The following PLXNB3 variants were observed in gnomAD, a reference collection of about 807,000 sequenced individuals.
PLXNB3 encodes the protein plexin-B3.
A neutral mutation model predicts 125.7 loss-of-function variants in PLXNB3; 80 were observed. The ratio of observed to expected loss-of-function variants is 0.64; its 90% CI spans 0.53 to 0.77. PLXNB3 has a LOEUF of 0.77. PLXNB3 is among the 30% of genes least tolerant of loss of function. The pLI is 0.00. For synonymous variants in PLXNB3, 954 were observed against 783.3 expected (o/e 1.22, Z -3.64); for missense variants, 1,836 against 1,729.3 (o/e 1.06, Z -1.09).
In PLXNB3 at chrX:153,773,250, A is replaced by C; in HGVS notation, c.2927A>C (p.Glu976Ala). 8.3e-7 allele frequency: 1 copy of C among 1,208,749 alleles called. No individual in the cohort carries two copies. The highest frequency in any genetic ancestry group is 1.1e-6 in the Non-Finnish European group (1 of 894,163). The change falls in exon 18 of 36, where the codon GAG (glutamate) becomes GCG (alanine). Residue 976 changes from glutamate to alanine, a missense_variant. Physicochemically the swap from Glu to Ala is moderately radical, Grantham distance 107. Transcript: ENST00000361971. ...TGCAGCCTGGAGCCAGTGTGTCCGG[A>C]GGCCATCGTGTGCCGTACCAGGCCC... is the stretch of plus-strand genomic sequence containing the variant. ...PCPILEPVCP[E>A]AIVCRTRPQA... is the part of the protein sequence containing the mutation.
In PLXNB3 at chrX:153,778,405, G is replaced by A. The variant is rs201705898; in HGVS notation, c.5484G>A (p.Ala1828=). The change falls in exon 34 of 36, where the codon GCG becomes GCA. Residue 1828 remains alanine, a synonymous_variant. Coordinates refer to ENST00000361971, the MANE Select transcript of PLXNB3 (RefSeq NM_005393.3). ...AAGTCTGCTCCTCCAGGTACTATGC[G>A]GACATTCGCCAGAGCTCTCCGGCGA... ...RYKQMVERYY[A]DIRQSSPASY... 237 of 1,209,973 alleles carry A rather than the reference G, an allele frequency of 2.0e-4. No homozygotes were observed. Among genetic ancestry groups the A allele is most frequent in the Middle Eastern group, 4.6e-4 (2 of 4,350 alleles).
chrX:153,769,320 G>A (rs782210563), intron 6 of PLXNB3, 58 bp downstream of exon 6: 12 of 977,535 alleles, frequency 1.2e-5, no homozygotes, highest in Non-Finnish European at 1.4e-5. Flanking sequence ...CCACGAGGCT[G>A]CCCCTGGAAG....
intron 1 of PLXNB3, among the ~76,000 whole-genome samples, 152 bp from the exon 2 acceptor site, chrX:153,765,319 G>A (rs182153440): frequency 8.8e-5 from 10 of 113,133 alleles, no homozygotes; most frequent in Admixed American, 8.3e-4. Flanking sequence ...TTGTGGTGGA[G>A]GCAGGGCTGC....
chrX:153,772,387 G>C (rs73640826), intron 16 of PLXNB3, 100 bp downstream of exon 16: 1 of 635,781 alleles, frequency 1.6e-6, no homozygotes, highest in Admixed American at 3.0e-5. Context: ...TCTGCGGGGA[G>C]CAGGAAGCAC....
chrX:153,778,935 A>G lies in PLXNB3; in HGVS notation c.5626A>G (p.Ile1876Val), dbSNP rs781961323. The G allele has an allele frequency of 8.6e-7, 1 of 1,167,827 alleles. No homozygotes were observed. The highest frequency in any genetic ancestry group is 3.1e-5 in the East Asian group (1 of 32,559). The stretch of plus-strand genomic sequence containing the variant: ...CAGGCACCCTCCTCTGCCCGGGCAG[A>G]TTATCAGTGCCCTGGAGGAGGACCC... The part of the protein sequence containing the change: ...YNHIHRYYDQ[I>V]ISALEEDPVG... Residue 1876 changes from isoleucine (I) to valine (V), a missense_variant and splice_region_variant, in exon 36 of 36, where the codon ATT (isoleucine) becomes GTT (valine). Ile to Val is a conservative substitution (Grantham distance 29, BLOSUM62 3). Coordinates refer to ENST00000361971, the MANE Select transcript of PLXNB3 (RefSeq NM_005393.3).
At chrX:153,771,837 C>T (rs1557062017) in intron 14 of PLXNB3, 27 bp from the exon 15 acceptor site, 16 of 1,199,507 alleles carry the variant, frequency 1.3e-5, no homozygotes, top group Non-Finnish European at 1.7e-5. Context: ...GCGGGGGACC[C>T]CATCTGCCAT....
chrX:153,766,626 C>T lies in PLXNB3; in HGVS notation c.46-247C>T, dbSNP rs150036654. 3.0e-3 allele frequency: 3,219 copies of T among 1,061,556 alleles called. 58 individuals carry two copies. The African/African-American group carries it at 0.052, about 17-fold the overall frequency. 87.5% of individuals were successfully genotyped at this position (1,061,556 alleles called of 1,213,427 possible). A position where few individuals can be genotyped will look rare whatever the true frequency, so the allele number is the denominator to read the frequency against. ...TTCTGTCCTTGTGTGCTTGTGCGTG[C>T]GTGCATGCACCCCTCCCTGCCTCTT... On this transcript the variant is annotated intron_variant, in intron 2 of 35. Coordinates refer to ENST00000361971, the MANE Select transcript of PLXNB3 (RefSeq NM_005393.3).
intron 7 of PLXNB3, 75 bp downstream of exon 7, chrX:153,770,014 G>C (rs781904254): frequency 2.5e-6 from 3 of 1,189,056 alleles, no homozygotes; most frequent in South Asian, 1.8e-5. Flanking sequence ...CCTGCCTCCC[G>C]TCCTCCTTCC....
intron 29 of PLXNB3, 38 bp from the exon 30 acceptor site, chrX:153,777,169 AG>A (rs2092006863): frequency 9.0e-7 from 1 of 1,114,050 alleles, no homozygotes; most frequent in Non-Finnish European, 1.2e-6. Context: ...GGCCAGGGGC[AG>A]GGGGTATAGC....
intron 30 of PLXNB3, 52 bp downstream of exon 30, chrX:153,777,432 C>T (rs372409564): frequency 1.6e-5 from 19 of 1,176,460 alleles, no homozygotes; most frequent in African/African-American, 7.0e-5. Context: ...CCAGGGACCC[C>T]GACCGAGCCA....
rs782295733 is a variant in PLXNB3 at position 153,776,436 on chromosome X, C to G, written c.4810C>G (p.Leu1604Val). The change falls in exon 28 of 36, where the codon CTC becomes GTC. Residue 1604 changes from leucine (L) to valine (V), a missense_variant. Coordinates refer to ENST00000361971, the MANE Select transcript of PLXNB3 (RefSeq NM_005393.3). ...CGTGACCCAAAACCACTGGAAGAGA[C>G]TCAACACCTTGCAACACTACAAGGT... ...TSVTQNHWKR[L>V]NTLQHYKVPD... 8.6e-7 allele frequency: 1 copy of G among 1,157,302 alleles called. No individual in the cohort carries two copies. Among genetic ancestry groups the G allele is most frequent in the Admixed American group, 2.3e-5 (1 of 43,747 alleles).
Position 153,773,007 on chromosome X carries a change from C to A in PLXNB3, c.2897C>A (p.Pro966His). 1 of 1,182,935 alleles carries A rather than the reference C, an allele frequency of 8.5e-7. No homozygotes were observed. ...ACCAGTGCCTTCGTGGGTGGCCAAC[C>A]CTGTCCCATGTGAGTCCCGGCCTGG... ...GNTSAFVGGQPCPILEPVCPE... is the reference protein window; with the variant it reads ...GNTSAFVGGQHCPILEPVCPE... Residue 966 changes from proline (P) to histidine (H), a missense_variant, in exon 17 of 36, where the codon CCC (proline) becomes CAC (histidine). Coordinates refer to ENST00000361971, the MANE Select transcript of PLXNB3 (RefSeq NM_005393.3).
chrX:153,765,278 C>T (rs1217714953), intron 1 of PLXNB3, among the ~76,000 whole-genome samples, 193 bp from the exon 2 acceptor site: 2 of 113,109 alleles, frequency 1.8e-5, no homozygotes, highest in East Asian at 2.8e-4. Context: ...GAGTGGGGCC[C>T]TGGCCTGGCC....
Position 153,778,486 on chromosome X carries a change from G to A in PLXNB3, c.5550+15G>A, listed in dbSNP as rs782692794. The A allele has an allele frequency of 1.1e-5, 13 of 1,200,565 alleles. No homozygotes were observed. The highest frequency in any genetic ancestry group is 7.1e-5 in the South Asian group (4 of 56,285). ...AGCTCTCCGGGGTGAGGCATGGCCC[G>A]GGGGGTGCGCCTGTCCACACGTGGG... On this transcript the variant is annotated intron_variant, in intron 34 of 35. Transcript: ENST00000361971.
In PLXNB3 at chrX:153,768,266, C is replaced by A. The variant is rs1168063118; in HGVS notation, c.1104C>A (p.Tyr368Ter). Residue 368 changes from tyrosine (Y) to a stop codon, truncating the protein, a stop_gained, in exon 4 of 36, where the codon TAC (tyrosine) becomes TAA (stop). Coordinates refer to ENST00000361971, the MANE Select transcript of PLXNB3 (RefSeq NM_005393.3). LOFTEE classifies it high-confidence loss of function. Reference sequence around the variant, plus strand: ...CCACGTAGGATTCCCCCGAGTCGTACCCCTGTGGCGACGAGCACACCCCCA... The same window carrying A: ...CCACGTAGGATTCCCCCGAGTCGTAACCCTGTGGCGACGAGCACACCCCCA... ...VTLPLDSPESYPCGDEHTPSP... is the reference protein window; with the variant it reads ...VTLPLDSPES 3 of 1,193,839 alleles carry A rather than the reference C, an allele frequency of 2.5e-6. No individual in the cohort carries two copies. The highest frequency in any genetic ancestry group is 3.4e-6 in the Non-Finnish European group (3 of 882,861).
At position 153,769,819 on chromosome X, in the gene PLXNB3, G is replaced by A. The variant is rs1557060901; in HGVS notation, c.1509G>A (p.Lys503=). The part of the protein sequence containing the change: ...WCVLQGRCTR[K]GQCGRAGQLN... ...CCCTGCCTGGCAGGTGTACCCGGAA[G>A]GGCCAGTGCGGGCGGGCAGGCCAGC... Residue 503 remains lysine, a synonymous_variant, in exon 7 of 36, where the codon AAG becomes AAA. Coordinates refer to ENST00000361971, the MANE Select transcript of PLXNB3 (RefSeq NM_005393.3). 1 of 1,202,122 alleles carries A rather than the reference G, an allele frequency of 8.3e-7. No individual in the cohort carries two copies. The highest frequency in any genetic ancestry group is 3.0e-5 in the East Asian group (1 of 33,568).
chrX:153,766,885 G>A lies in PLXNB3; in HGVS notation c.58G>A (p.Ala20Thr), dbSNP rs782457646. ...LLHHFMAPVM[A>T]RWPPFGLCLL... ...TGCCCTCTCACAGGCCCCCGTGATG[G>A]CTCGCTGGCCTCCCTTCGGCCTCTG... Residue 20 changes from alanine to threonine, a missense_variant, in exon 3 of 36, where the codon GCT (alanine) becomes ACT (threonine). Physicochemically the swap from Ala to Thr is moderately conservative, Grantham distance 58. Coordinates refer to ENST00000361971, the MANE Select transcript of PLXNB3 (RefSeq NM_005393.3). 2 of 1,199,440 alleles carry A rather than the reference G, an allele frequency of 1.7e-6. No homozygotes were observed. Among genetic ancestry groups the A allele is most frequent in the South Asian group, 3.6e-5 (2 of 55,472 alleles).
chrX:153,774,287 C>T lies in PLXNB3; in HGVS notation c.3621C>T (p.Cys1207=), dbSNP rs1227063388. The change falls in exon 21 of 36, where the codon TGC becomes TGT. Residue 1207 remains cysteine (C), a synonymous_variant. Coordinates refer to ENST00000361971, the MANE Select transcript of PLXNB3 (RefSeq NM_005393.3). The part of the protein sequence containing the change: ...VKTLTRTHLY[C]EPPAHAPQPA... ...CGCTCACGCGCACCCACCTGTACTG[C>T]GAGCCGCCTGCGCACGCCCCGCAGC... The T allele has an allele frequency of 6.8e-6, 8 of 1,169,066 alleles. No individual in the cohort carries two copies. The Admixed American group carries it at 7.3e-5, about 11-fold the overall frequency.
chrX:153,777,168 CA>C, intron 29 of PLXNB3, 39 bp from the exon 30 acceptor site: 1 of 1,116,426 alleles, frequency 9.0e-7, no homozygotes, highest in Non-Finnish European at 1.2e-6. Context: ...AGGCCAGGGG[CA>C]GGGGGTATAG....
Sources: gnomAD v4.1 joint callset for allele counts (sites outside exome capture counted in the v4.1 genomes callset) on GRCh38, gnomAD v4.1.1 for gene constraint, MANE v1.5 for transcripts, NCBI Gene and HGNC (gene_info 2026-07-23, HGNC 2026-07-21) for gene names.